The following PRKAR1B variants were observed in gnomAD, a reference collection of about 807,000 sequenced individuals.
PRKAR1B encodes protein kinase cAMP-dependent type I regulatory subunit beta.
PRKAR1B carries 22 observed loss-of-function variants against 46.5 expected under a neutral mutation model. The ratio of observed to expected loss-of-function variants is 0.47; its 90% CI spans 0.34 to 0.68. The LOEUF is 0.68. PRKAR1B is among the 30% of genes least tolerant of loss of function. The pLI is 0.01. For missense variants in PRKAR1B, 445 were observed against 535.6 expected (o/e 0.83, Z 1.67); for synonymous variants, 259 against 217.7 (o/e 1.19, Z -1.67).
rs151288833 is a variant in PRKAR1B, at chr7:650,296, G to C, written c.440+26933C>G. ...TGTGGACCCTGTCTGAGGGACCCTA[G>C]AGGGTCTGCATCCCAAGGGTCTGTG... On this transcript the variant is annotated intron_variant, in intron 4 of 10. Coordinates refer to ENST00000537384, the MANE Select transcript of PRKAR1B (RefSeq NM_001164760.2). 3.7e-3 allele frequency among the ~76,000 whole-genome samples: 557 copies of C among 152,260 alleles called. 4 individuals carry two copies. The highest frequency in any genetic ancestry group is 0.013 in the African/African-American group (525 of 41,546).
In PRKAR1B at chr7:552,594, G is replaced by A. The variant is rs567830853; in HGVS notation, c.892-1124C>T. On this transcript the variant is annotated intron_variant, in intron 9 of 10. Transcript: ENST00000537384. ...TGTGACCAGGGCATCTGAGCACCGC[G>A]GGACCTGCCCAGAGACCACCGTCCG... 3.9e-5 allele frequency among the ~76,000 whole-genome samples: 6 copies of A among 152,310 alleles called. No homozygotes were observed. The South Asian group carries it at 6.2e-4, about 16-fold the overall frequency.
chr7:563,795 ACGTGTGTGTG>A (rs1338715192), intron 9 of PRKAR1B, among the ~76,000 whole-genome samples: 5 of 151,014 alleles, frequency 3.3e-5, no homozygotes, highest in Non-Finnish European at 5.9e-5. Flanking sequence ...ACATGTGTGT[ACGTGTGTGTG>A]CACAGGTGTG....
intron 4 of PRKAR1B, among the ~76,000 whole-genome samples, chr7:652,413 C>G (rs1784955401): frequency 6.7e-6 from 1 of 149,756 alleles, no homozygotes. Flanking sequence ...GCACTAGGAA[C>G]CTGGGGAAAC....
At chr7:556,911 G>A (rs1372749888) in intron 9 of PRKAR1B, among the ~76,000 whole-genome samples, 2 of 152,186 alleles carry the variant, frequency 1.3e-5, no homozygotes, top group Non-Finnish European at 2.9e-5. Flanking sequence ...CGGCTCCCAG[G>A]GTACTGAAGA....
intron 4 of PRKAR1B, among the ~76,000 whole-genome samples, chr7:617,208 T>TG (rs979617057): frequency 1.3e-5 from 2 of 151,964 alleles, no homozygotes; most frequent in Admixed American, 1.3e-4. Context: ...TTGGCCAGGC[T>TG]GGTCTCGAAC....
upstream of PRKAR1B, among the ~76,000 whole-genome samples, chr7:728,761 G>A (rs1191651576): frequency 6.6e-6 from 1 of 152,168 alleles, no homozygotes; most frequent in East Asian, 1.9e-4. Flanking sequence ...ACTGGTTGCT[G>A]TGGGGTGAGG....
In PRKAR1B at chr7:607,411, C is replaced by T. The variant is rs1384905393; in HGVS notation, c.482G>A (p.Gly161Glu). The T allele has an allele frequency of 6.2e-7, 1 of 1,613,868 alleles. No individual in the cohort carries two copies. Among genetic ancestry groups the T allele is most frequent in the Non-Finnish European group, 8.5e-7 (1 of 1,179,884 alleles). ...DAMFPVTHIA[G>E]ETVIQQGNEG... Reference sequence around the variant, plus strand: ...CGTACCTTGCTGTATAACAGTCTCCCCAGCGATGTGAGTGACAGGGAACAT... The same window carrying T: ...CGTACCTTGCTGTATAACAGTCTCCTCAGCGATGTGAGTGACAGGGAACAT... Residue 161 changes from glycine to glutamate, a missense_variant, in exon 5 of 11, where the codon GGG becomes GAG. Gly to Glu is a moderately conservative substitution (Grantham distance 98). Coordinates refer to ENST00000537384, the MANE Select transcript of PRKAR1B (RefSeq NM_001164760.2).
At chr7:631,870 T>C (rs1030051989) in intron 4 of PRKAR1B, among the ~76,000 whole-genome samples, 5 of 151,728 alleles carry the variant, frequency 3.3e-5, no homozygotes, top group African/African-American at 1.2e-4. Context: ...GGTGGGAGGA[T>C]TGCTTGAGCC....
chr7:576,909 C>G (rs1315080514), intron 9 of PRKAR1B, among the ~76,000 whole-genome samples: 5 of 152,224 alleles, frequency 3.3e-5, no homozygotes, highest in Non-Finnish European at 2.9e-5. Context: ...GGCTCTTACT[C>G]CAGCCTCCTG....
Position 571,166 on chromosome 7 carries a change from G to A in PRKAR1B, c.891+8090C>T, listed in dbSNP as rs531502663. Among the ~76,000 whole-genome samples, 348 of 152,234 alleles carry A rather than the reference G, an allele frequency of 2.3e-3. 1 individual carries two copies. Among genetic ancestry groups the A allele is most frequent in the African/African-American group, 7.9e-3 (329 of 41,530 alleles). On this transcript the variant is annotated intron_variant, in intron 9 of 10. Transcript: ENST00000537384. Reference sequence around the variant, plus strand: ...GGCCACCACAAGTAAGCAGCACCACGAGTAAGCAGCAACGCTTCAAAATGT... The same window carrying A: ...GGCCACCACAAGTAAGCAGCACCACAAGTAAGCAGCAACGCTTCAAAATGT...
At chr7:696,282 T>G (rs936155556) in intron 2 of PRKAR1B, among the ~76,000 whole-genome samples, 1 of 142,688 alleles carries the variant, frequency 7.0e-6, no homozygotes, top group Non-Finnish European at 1.5e-5. Flanking sequence ...CTTTTTTTTT[T>G]TAAAGAAAGA....
At chr7:673,199 C>T (rs979974158) in intron 4 of PRKAR1B, among the ~76,000 whole-genome samples, 6 of 152,028 alleles carry the variant, frequency 3.9e-5, no homozygotes, top group Non-Finnish European at 8.8e-5. Flanking sequence ...CAAGGCGCAG[C>T]TGGGACCAGA....
At chr7:672,063 A>G (rs998848990) in intron 4 of PRKAR1B, among the ~76,000 whole-genome samples, 28 of 151,682 alleles carry the variant, frequency 1.8e-4, no homozygotes, top group African/African-American at 5.1e-4. Flanking sequence ...CCCGTTCCCT[A>G]CCCCCACTGT....
At chr7:621,193 A>G (rs998316363) in intron 4 of PRKAR1B, among the ~76,000 whole-genome samples, 2 of 152,218 alleles carry the variant, frequency 1.3e-5, no homozygotes, top group African/African-American at 4.8e-5. Context: ...GCAATTTGAG[A>G]AGTAAGAATA....
At chr7:707,485 G>GC (rs1583447241) in intron 2 of PRKAR1B, among the ~76,000 whole-genome samples, 1 of 152,236 alleles carries the variant, frequency 6.6e-6, no homozygotes, top group East Asian at 1.9e-4. Context: ...AAATTGCCCT[G>GC]CCCACGCCCA....
intron 2 of PRKAR1B, among the ~76,000 whole-genome samples, chr7:690,489 C>A (rs1285197251): frequency 6.6e-6 from 1 of 151,982 alleles, no homozygotes; most frequent in African/African-American, 2.4e-5. Flanking sequence ...AAATAAGAAG[C>A]CATTAACAAC....
chr7:610,214 C>A (rs1197747171), intron 4 of PRKAR1B, among the ~76,000 whole-genome samples: 1 of 152,250 alleles, frequency 6.6e-6, no homozygotes, highest in Non-Finnish European at 1.5e-5. Context: ...ACTCGAGGCT[C>A]ACGTTCCACT....
intron 2 of PRKAR1B, among the ~76,000 whole-genome samples, chr7:694,396 T>A (rs2128518298): frequency 6.6e-6 from 1 of 152,008 alleles, no homozygotes; most frequent in South Asian, 2.1e-4. Flanking sequence ...GACCAAGACA[T>A]CAGGTCTCGT....
intron 7 of PRKAR1B, among the ~76,000 whole-genome samples, chr7:590,600 G>A (rs1052372197): frequency 3.9e-5 from 6 of 152,134 alleles, no homozygotes; most frequent in African/African-American, 7.2e-5. Flanking sequence ...AGCCCTCCCC[G>A]ATACCCAGGT....
Sources: gnomAD v4.1 joint callset for allele counts (sites outside exome capture counted in the v4.1 genomes callset) on GRCh38, gnomAD v4.1.1 for gene constraint, MANE v1.5 for transcripts, NCBI Gene and HGNC (gene_info 2026-07-23, HGNC 2026-07-21) for gene names.